Variants in MAVS observed in about 807,000 individuals in gnomAD.
MAVS encodes the protein mitochondrial antiviral signaling protein.
MAVS carries 20 observed loss-of-function variants against 30.2 expected under a neutral mutation model. The observed-to-expected ratio is 0.66, with a 90% CI of 0.47 to 0.96. The LOEUF (loss-of-function observed/expected upper bound fraction) is 0.96, where lower values mean the gene tolerates loss of function less well. Ranked by LOEUF, MAVS falls within the 40% of genes least tolerant of loss-of-function variation. MAVS has a pLI of 0.00. For missense variants in MAVS, 624 were observed against 701.1 expected, an observed-to-expected ratio of 0.89 and a Z score of 1.24; for synonymous variants, 278 against 293.9, an observed-to-expected ratio of 0.95 and a Z score of 0.55.
chr20:3,849,675 C>A (rs974689312), intron 1 of MAVS, among the ~76,000 whole-genome samples: 6 of 152,194 alleles, frequency 3.9e-5, no homozygotes, highest in Non-Finnish European at 8.8e-5. Flanking sequence ...TTCAGAAAGG[C>A]TTCTTTGACC....
At position 3,865,787 on chromosome 20, in the gene MAVS, T is replaced by C. The variant is rs376577030; in HGVS notation, c.1263T>C (p.Pro421=). ...NRGLGSELSK[P]GVLASQVDSP... is the part of the protein sequence containing the mutation. Reference sequence around the variant, plus strand: ...GCCTTGGGTCGGAGCTGAGTAAGCCTGGCGTGCTGGCATCCCAGGTAGACA... The same window carrying C: ...GCCTTGGGTCGGAGCTGAGTAAGCCCGGCGTGCTGGCATCCCAGGTAGACA... The change falls in exon 7 of 7, where the codon CCT becomes CCC. Residue 421 remains proline, a synonymous_variant. Transcript: ENST00000428216. This position sits in a 1 kb window ranked among gnomAD's most constrained non-coding sequence, Gnocchi z 4.7. 2.7e-5 allele frequency: 43 copies of C among 1,613,706 alleles called. No individual in the cohort carries two copies. Among genetic ancestry groups the C allele is most frequent in the Non-Finnish European group, 3.5e-5 (41 of 1,180,012 alleles).
chr20:3,873,857 G>C lies in MAVS; in HGVS notation c.*7710G>C. 2.8e-6 allele frequency: 1 copy of C among 351,510 alleles called. No homozygotes were observed. The highest frequency in any genetic ancestry group is 5.0e-6 in the Non-Finnish European group (1 of 200,172). The allele number at this position is 351,510 out of a possible 1,614,324, so 21.8% of individuals were successfully genotyped here. ...GTGTGACCCTGTTGGAAAACTGGCA[G>C]TATCTACCAAAAGCCGAACATACGT... On this transcript the variant is annotated 3_prime_UTR_variant, in exon 7 of 7. Coordinates refer to ENST00000428216, the MANE Select transcript of MAVS (RefSeq NM_020746.5).
intron 4 of MAVS, 82 bp downstream of exon 4, chr20:3,861,586 C>A: frequency 1.4e-6 from 2 of 1,419,178 alleles, no homozygotes; most frequent in Non-Finnish European, 9.7e-7. Flanking sequence ...TCCAGAAACC[C>A]TCTCCCGTCC....
rs1025182827 is a variant in MAVS at position 3,875,701 on chromosome 20, G to A, written c.*9554G>A. ...CCAGGACCTGTAAACTGTGAGGCTG[G>A]ACCAGTTATGTCAAATCTGTCCTCC... On this transcript the variant is annotated 3_prime_UTR_variant, in exon 7 of 7. Transcript: ENST00000428216. 3 of 152,282 alleles carry A rather than the reference G, an allele frequency of 2.0e-5. No homozygotes were observed. Among genetic ancestry groups the A allele is most frequent in the Non-Finnish European group, 1.5e-5 (1 of 68,046 alleles). The allele number at this position is 152,282 out of a possible 1,614,324, so 9.4% of individuals were successfully genotyped here. A position where few individuals can be genotyped will look rare whatever the true frequency, so the allele number is the denominator to read the frequency against.
At chr20:3,854,931 G>A (rs1167767079) in intron 2 of MAVS, among the ~76,000 whole-genome samples, 190 bp downstream of exon 2, 2 of 135,686 alleles carry the variant, frequency 1.5e-5, no homozygotes, top group African/African-American at 2.9e-5. Context: ...TCGTTCTGTC[G>A]CCAGGCTGGA....
intron 2 of MAVS, among the ~76,000 whole-genome samples, chr20:3,856,596 G>A (rs551221768): frequency 1.3e-5 from 2 of 152,052 alleles, no homozygotes; most frequent in East Asian, 3.9e-4. Context: ...GTGATCCTCG[G>A]CCTTCCAAAG....
intron 2 of MAVS, among the ~76,000 whole-genome samples, chr20:3,856,446 G>A (rs1196715085): frequency 6.7e-6 from 1 of 148,420 alleles, no homozygotes; most frequent in African/African-American, 2.5e-5. Flanking sequence ...CTGCCTCCTG[G>A]GTTCAAGCAA....
intron 2 of MAVS, 66 bp downstream of exon 2, chr20:3,854,807 C>A: frequency 8.6e-7 from 1 of 1,166,144 alleles, no homozygotes; most frequent in Non-Finnish European, 1.3e-6. Context: ...AAAGCTCAGC[C>A]CCATCCTAGT....
chr20:3,848,248 G>GCCCA (rs1568530413), intron 1 of MAVS, among the ~76,000 whole-genome samples: 5 of 152,058 alleles, frequency 3.3e-5, no homozygotes, highest in Non-Finnish European at 7.4e-5. Context: ...ACAGGTGTGT[G>GCCCA]CCACCATGCC....
At chr20:3,857,914 C>G (rs770836607) in intron 3 of MAVS, 105 bp downstream of exon 3, 2 of 1,286,744 alleles carry the variant, frequency 1.6e-6, no homozygotes, top group South Asian at 1.2e-5. Context: ...CATCCTCTTT[C>G]TTGTCACTGT....
chr20:3,854,597 G>C lies in MAVS; in HGVS notation c.-28G>C, dbSNP rs1041080353. On this transcript the variant is annotated 5_prime_UTR_variant, in exon 2 of 7. Coordinates refer to ENST00000428216, the MANE Select transcript of MAVS (RefSeq NM_020746.5). ...AGTCCATCCACCCTTCATGGGGCCAGAGCCCTCTCTCCAGAATCTGAGCAG... is the reference window on the plus strand; with the variant it reads ...AGTCCATCCACCCTTCATGGGGCCACAGCCCTCTCTCCAGAATCTGAGCAG... The C allele has an allele frequency of 1.9e-6, 3 of 1,539,176 alleles. No homozygotes were observed. In the African/African-American group the frequency reaches 4.1e-5, roughly 21 times the overall value.
At position 3,875,315 on chromosome 20, in the gene MAVS, C is replaced by T. The variant is rs1348296503; in HGVS notation, c.*9168C>T. 1.3e-5 allele frequency: 2 copies of T among 152,028 alleles called. No homozygotes were observed. Among genetic ancestry groups the T allele is most frequent in the Non-Finnish European group, 2.9e-5 (2 of 68,006 alleles). 9.4% of individuals were successfully genotyped at this position (152,028 alleles called of 1,614,324 possible). A position where few individuals can be genotyped will look rare whatever the true frequency, so the allele number is the denominator to read the frequency against. On this transcript the variant is annotated 3_prime_UTR_variant, in exon 7 of 7. Coordinates refer to ENST00000428216, the MANE Select transcript of MAVS (RefSeq NM_020746.5). Reference sequence around the variant, plus strand: ...CCTGTAGTCCCAACTACTTGGAAGGCTGAGGTGTGAGGATCTTTGAGCCCG... The same window carrying T: ...CCTGTAGTCCCAACTACTTGGAAGGTTGAGGTGTGAGGATCTTTGAGCCCG...
Position 3,864,743 on chromosome 20 carries a change from G to C in MAVS, c.1113G>C (p.Lys371Asn). 6.2e-7 allele frequency: 1 copy of C among 1,614,248 alleles called. No homozygotes were observed. Among genetic ancestry groups the C allele is most frequent in the Non-Finnish European group, 8.5e-7 (1 of 1,180,044 alleles). Reference sequence around the variant, plus strand: ...TGCCTACTAGCATGGTGCTCACCAAGGTGTCTGCCAGCACAGTCCCCACTG... The same window carrying C: ...TGCCTACTAGCATGGTGCTCACCAACGTGTCTGCCAGCACAGTCCCCACTG... Reference protein sequence around the residue: ...SKVPTSMVLTKVSASTVPTDG... With the variant: ...SKVPTSMVLTNVSASTVPTDG... Residue 371 changes from lysine to asparagine, a missense_variant, in exon 6 of 7, where the codon AAG becomes AAC. By Grantham distance (94) the Lys-to-Asn change is moderately conservative (BLOSUM62 0). Transcript: ENST00000428216.
intron 1 of MAVS, among the ~76,000 whole-genome samples, chr20:3,852,003 T>C (rs1182325199): frequency 2.3e-5 from 1 of 43,534 alleles, no homozygotes; most frequent in Non-Finnish European, 4.1e-5. Context: ...TTTTTTTTTT[T>C]TTTTCCCCCG....
At chr20:3,854,099 G>A (rs1360433146) in intron 1 of MAVS, among the ~76,000 whole-genome samples, 2 of 151,246 alleles carry the variant, frequency 1.3e-5, no homozygotes, top group Non-Finnish European at 2.9e-5. Flanking sequence ...TGCCCAGCCC[G>A]AGACCCCATC....
chr20:3,850,150 G>A (rs755087165), intron 1 of MAVS, among the ~76,000 whole-genome samples: 17 of 151,346 alleles, frequency 1.1e-4, no homozygotes, highest in South Asian at 2.1e-4. Context: ...GGTAGCAGGC[G>A]CCTGTAGTCC....
rs1461918752 is a variant in MAVS, at chr20:3,875,485, A to AC, written c.*9338_*9339insC. 1 of 151,618 alleles carries AC rather than the reference A, an allele frequency of 6.6e-6. No homozygotes were observed. The highest frequency in any genetic ancestry group is 1.5e-5 in the Non-Finnish European group (1 of 67,838). The allele number at this position is 151,618 out of a possible 1,614,324, so 9.4% of individuals were successfully genotyped here. A position where few individuals can be genotyped will look rare whatever the true frequency, so the allele number is the denominator to read the frequency against. ...AGTGCTGTTTTTATTTAAAAAAAAA[A>AC]AAAACCAGCCAAAACCACAACTTTT... On this transcript the variant is annotated 3_prime_UTR_variant, in exon 7 of 7. Coordinates refer to ENST00000428216, the MANE Select transcript of MAVS (RefSeq NM_020746.5).
Position 3,864,754 on chromosome 20 carries a change from G to A in MAVS, c.1124G>A (p.Ser375Asn). 6.2e-7 allele frequency: 1 copy of A among 1,614,162 alleles called. No homozygotes were observed. Among genetic ancestry groups the A allele is most frequent in the Non-Finnish European group, 8.5e-7 (1 of 1,180,028 alleles). Residue 375 changes from serine to asparagine, a missense_variant, in exon 6 of 7, where the codon AGC becomes AAC. By Grantham distance (46) the Ser-to-Asn change is conservative (BLOSUM62 1). Transcript: ENST00000428216. Reference protein sequence around the residue: ...TSMVLTKVSASTVPTDGSSRN... With the variant: ...TSMVLTKVSANTVPTDGSSRN... ...ATGGTGCTCACCAAGGTGTCTGCCA[G>A]CACAGTCCCCACTGACGGGAGCAGC...
At chr20:3,862,780 TG>T (rs1390478159) in intron 5 of MAVS, among the ~76,000 whole-genome samples, 4 of 152,182 alleles carry the variant, frequency 2.6e-5, no homozygotes. Flanking sequence ...CTGAGCACCT[TG>T]GTTCTCTTCT....
Sources: allele counts gnomAD v4.1 joint callset (sites outside exome capture counted in the v4.1 genomes callset), GRCh38; gene constraint gnomAD v4.1.1; non-coding constraint Gnocchi (gnomAD v3.1); transcripts MANE v1.5; gene names NCBI Gene and HGNC (gene_info 2026-07-23, HGNC 2026-07-21).